PAFAH1B1: variants seen among roughly 807,000 people sequenced by gnomAD.
PAFAH1B1 encodes platelet activating factor acetylhydrolase 1b regulatory subunit 1.
In PAFAH1B1, 2 loss-of-function variants were observed where a neutral mutation model predicts 57.5. The ratio of observed to expected loss-of-function variants is 0.03; its 90% confidence interval spans 0.01 to 0.11. The LOEUF (loss-of-function observed/expected upper bound fraction) is 0.11, where lower values mean the gene tolerates loss of function less well. PAFAH1B1 is among the 10% of genes least tolerant of loss of function. PAFAH1B1 has a pLI of 1.00. For missense variants in PAFAH1B1, 257 were observed against 512.0 expected (o/e 0.50, Z 4.81); for synonymous variants, 152 against 169.6 (o/e 0.90, Z 0.81).
chr17:2,596,655 A>T (rs1382640242), intron 1 of PAFAH1B1, among the ~76,000 whole-genome samples: 1 of 152,138 alleles, frequency 6.6e-6, no homozygotes, highest in Admixed American at 6.6e-5. Context: ...TTTTAATATG[A>T]TTAGAAAGTA....
chr17:2,682,832 T>A lies in PAFAH1B1; in HGVS notation c.*1030T>A, dbSNP rs904722054. 6.6e-6 allele frequency: 1 copy of A among 152,576 alleles called. No individual in the cohort carries two copies. Among genetic ancestry groups the A allele is most frequent in the Non-Finnish European group, 1.5e-5 (1 of 68,024 alleles). 9.5% of individuals were successfully genotyped at this position (152,576 alleles called of 1,614,324 possible). A position where few individuals can be genotyped will look rare whatever the true frequency, so the allele number is the denominator to read the frequency against. On this transcript the variant is annotated 3_prime_UTR_variant, in exon 11 of 11. Transcript: ENST00000397195. ...TAAACTGTGTTTCACTTACAAGTTT[T>A]AAAAAAATGACAGGGTTTAATGGAG...
At chr17:2,642,745 G>C (rs567954151) in intron 2 of PAFAH1B1, among the ~76,000 whole-genome samples, 43 of 152,318 alleles carry the variant, frequency 2.8e-4, no homozygotes, top group Non-Finnish European at 3.1e-4. Flanking sequence ...ATCATCAAAT[G>C]TGTTAATAGG....
At chr17:2,620,252 G>A (rs1461240405) in intron 1 of PAFAH1B1, among the ~76,000 whole-genome samples, 6 of 152,166 alleles carry the variant, frequency 3.9e-5, no homozygotes, top group Non-Finnish European at 7.3e-5. Context: ...GTAAGGTAAT[G>A]TTGCTTTATG....
At chr17:2,660,597 G>T (rs1219935921) in intron 2 of PAFAH1B1, among the ~76,000 whole-genome samples, 2 of 152,128 alleles carry the variant, frequency 1.3e-5, no homozygotes, top group Non-Finnish European at 2.9e-5. Context: ...TCCTTTTTAT[G>T]GCTGCATAGT....
At chr17:2,672,177 G>T (rs930197601) in intron 6 of PAFAH1B1, among the ~76,000 whole-genome samples, 12 of 147,074 alleles carry the variant, frequency 8.2e-5, no homozygotes, top group Non-Finnish European at 1.5e-4. Flanking sequence ...CCAGCTACCC[G>T]ACAGGCTGAG....
rs182338521 is a variant in PAFAH1B1, at chr17:2,684,693, G to A, written c.*2891G>A. 8.6e-4 allele frequency: 132 copies of A among 152,784 alleles called. No homozygotes were observed. Among genetic ancestry groups the A allele is most frequent in the Non-Finnish European group, 6.5e-4 (44 of 68,074 alleles). 9.5% of individuals were successfully genotyped at this position (152,784 alleles called of 1,614,324 possible). Reference sequence around the variant, plus strand: ...TCTTGCACTTTAGGAGACTAAGACCGTCCTGGTTCGTCTGTGTGTGGTGTG... The same window carrying A: ...TCTTGCACTTTAGGAGACTAAGACCATCCTGGTTCGTCTGTGTGTGGTGTG... On this transcript the variant is annotated 3_prime_UTR_variant, in exon 11 of 11. Transcript: ENST00000397195.
intron 1 of PAFAH1B1, among the ~76,000 whole-genome samples, chr17:2,616,061 C>G (rs1200298013): frequency 6.6e-6 from 1 of 152,186 alleles, no homozygotes; most frequent in Non-Finnish European, 1.5e-5. Flanking sequence ...CAGTTACCTA[C>G]TTTATTCTTC....
chr17:2,641,526 C>G (rs1420386219), intron 2 of PAFAH1B1: 2 of 151,972 alleles, frequency 1.3e-5, no homozygotes, highest in Non-Finnish European at 2.9e-5. Flanking sequence ...CATTACTATT[C>G]TCACTGTTTT....
intron 2 of PAFAH1B1, among the ~76,000 whole-genome samples, chr17:2,656,736 A>G (rs1041976041): frequency 2.0e-5 from 3 of 152,142 alleles, no homozygotes; most frequent in African/African-American, 4.8e-5. Flanking sequence ...TTGACTTACT[A>G]TACAGTGGTC....
intron 1 of PAFAH1B1, among the ~76,000 whole-genome samples, chr17:2,626,832 C>T (rs930507957): frequency 1.3e-5 from 2 of 152,192 alleles, no homozygotes; most frequent in African/African-American, 4.8e-5. Flanking sequence ...GGATTACAGT[C>T]GTGAGCCACC....
chr17:2,655,929 TTTTG>T (rs925352192), intron 2 of PAFAH1B1, among the ~76,000 whole-genome samples: 11 of 152,072 alleles, frequency 7.2e-5, no homozygotes, highest in African/African-American at 1.4e-4. Flanking sequence ...TTTCGTTTTG[TTTTG>T]TTTGTTTTGA....
intron 1 of PAFAH1B1, among the ~76,000 whole-genome samples, chr17:2,624,945 A>T (rs963731904): frequency 7.2e-5 from 11 of 152,034 alleles, no homozygotes; most frequent in African/African-American, 2.7e-4. Context: ...TTCCTTCTAC[A>T]TCTGATAATA....
At position 2,634,811 on chromosome 17, in the gene PAFAH1B1, C is replaced by T. The variant is rs181362441; in HGVS notation, c.-190-3288C>T. ...GTGGCAATACTTGTCACATTATTCA[C>T]GCTGTTTTAATTGCCTTCTTGGCCG... On this transcript the variant is annotated intron_variant, in intron 1 of 10. Coordinates refer to ENST00000397195, the MANE Select transcript of PAFAH1B1 (RefSeq NM_000430.4). Among the ~76,000 whole-genome samples the T allele has an allele frequency of 4.6e-5, 7 of 152,260 alleles. No individual in the cohort carries two copies. In the East Asian group the frequency reaches 9.6e-4, roughly 21 times the overall value.
chr17:2,672,734 A>G lies in PAFAH1B1; in HGVS notation c.648A>G (p.Ile216Met). The change falls in exon 7 of 11, where the codon ATA (isoleucine) becomes ATG (methionine). Residue 216 changes from isoleucine (I) to methionine (M), a missense_variant. Physicochemically the swap from Ile to Met is conservative, Grantham distance 10. Coordinates refer to ENST00000397195, the MANE Select transcript of PAFAH1B1 (RefSeq NM_000430.4). ...HIVSASRDKTIKMWEVQTGYC... is the reference protein window; with the variant it reads ...HIVSASRDKTMKMWEVQTGYC... ...TGTCTGCCTCAAGGGATAAAACTAT[A>G]AAAATGTGGGAAGTGCAAACTGGGT... 1 of 1,611,102 alleles carries G rather than the reference A, an allele frequency of 6.2e-7. No homozygotes were observed. Among genetic ancestry groups the G allele is most frequent in the Non-Finnish European group, 8.5e-7 (1 of 1,177,708 alleles).
intron 1 of PAFAH1B1, among the ~76,000 whole-genome samples, chr17:2,617,747 C>A (rs1712133633): frequency 6.6e-6 from 1 of 151,634 alleles, no homozygotes; most frequent in Non-Finnish European, 1.5e-5. Context: ...GTGAAACCCC[C>A]TGTCTCTACT....
intron 1 of PAFAH1B1, among the ~76,000 whole-genome samples, chr17:2,606,332 T>C (rs956631121): frequency 3.9e-4 from 60 of 152,276 alleles, no homozygotes; most frequent in African/African-American, 1.3e-3. Context: ...ATGAGACCTA[T>C]GCCCAATGGA....
intron 2 of PAFAH1B1, among the ~76,000 whole-genome samples, chr17:2,650,293 C>T (rs1157048366): frequency 2.0e-5 from 3 of 148,856 alleles, no homozygotes; most frequent in African/African-American, 7.8e-5. Context: ...GGGTGGATCA[C>T]TTGAGGTCAG....
intron 6 of PAFAH1B1, among the ~76,000 whole-genome samples, chr17:2,670,978 C>T (rs749605409): frequency 1.3e-5 from 2 of 152,058 alleles, no homozygotes; most frequent in Non-Finnish European, 2.9e-5. Flanking sequence ...TGGTGTAGTA[C>T]CTGCCACATA....
chr17:2,657,423 T>C (rs1467885399), intron 2 of PAFAH1B1, among the ~76,000 whole-genome samples: 2 of 152,220 alleles, frequency 1.3e-5, no homozygotes, highest in Non-Finnish European at 2.9e-5. Context: ...ATTGTATTTT[T>C]AGTAGAGCTG....
Sources: gnomAD v4.1 joint callset for allele counts (sites outside exome capture counted in the v4.1 genomes callset) on GRCh38, gnomAD v4.1.1 for gene constraint, MANE v1.5 for transcripts, NCBI Gene and HGNC (gene_info 2026-07-23, HGNC 2026-07-21) for gene names.